The following TTC39C variants were observed in gnomAD, a reference collection of about 807,000 sequenced individuals.
TTC39C encodes tetratricopeptide repeat domain 39C, also known as tetratricopeptide repeat protein 39C.
A neutral mutation model predicts 76.3 loss-of-function variants in TTC39C; 33 were observed. The ratio of observed to expected loss-of-function variants is 0.43; its 90% CI spans 0.33 to 0.58. TTC39C has a LOEUF of 0.58. Ranked by LOEUF, TTC39C falls within the 20% of genes least tolerant of loss-of-function variation. TTC39C has a pLI of 0.04. For missense variants in TTC39C, 595 were observed against 701.4 expected, an observed-to-expected ratio of 0.85 and a Z score of 1.71; for synonymous variants, 254 against 260.6, an observed-to-expected ratio of 0.97 and a Z score of 0.24.
At chr18:24,044,052 TTG>T (rs56233680) in intron 1 of TTC39C, among the ~76,000 whole-genome samples, 7,125 of 147,860 alleles carry the variant, frequency 0.048, 415 homozygotes, top group African/African-American at 0.14. Context: ...TTGTGTATGT[TTG>T]TGTGTGTGTG....
Position 24,114,634 on chromosome 18 carries a change from T to C in TTC39C, c.1065T>C (p.Cys355=), listed in dbSNP as rs773002673. ...AVDQREIQHV[C]LYEIGWCSMI... is the part of the protein sequence containing the mutation. ...ACCAGAGAGAAATTCAACATGTCTG[T>C]CTGTATGAAATTGGTAAATATGAAA... Residue 355 remains cysteine, a synonymous_variant, in exon 7 of 14, where the codon TGT becomes TGC. Transcript: ENST00000317571. 1.9e-6 allele frequency: 3 copies of C among 1,612,944 alleles called. No individual in the cohort carries two copies. In the African/African-American group the frequency reaches 4.0e-5, roughly 22 times the overall value.
intron 1 of TTC39C, among the ~76,000 whole-genome samples, chr18:24,026,844 G>A (rs925206908): frequency 3.3e-5 from 5 of 152,120 alleles, no homozygotes; most frequent in East Asian, 1.9e-4. Flanking sequence ...CGTAAAATAA[G>A]CATCAAAGAT....
At chr18:24,090,051 A>G (rs1399392482) in intron 6 of TTC39C, among the ~76,000 whole-genome samples, 3 of 152,334 alleles carry the variant, frequency 2.0e-5, no homozygotes, top group Admixed American at 1.3e-4. Context: ...GATGTTTACA[A>G]GTATTAACAT....
intron 2 of TTC39C, 137 bp downstream of exon 2, chr18:24,064,325 T>A: frequency 1.1e-6 from 1 of 884,202 alleles, no homozygotes. Context: ...AGTTTTTGCC[T>A]ATTACCCAAT....
intron 6 of TTC39C, among the ~76,000 whole-genome samples, chr18:24,085,522 A>G (rs2084428436): frequency 6.6e-6 from 1 of 152,230 alleles, no homozygotes; most frequent in African/African-American, 2.4e-5. Context: ...GATTGAGTGA[A>G]TACTAAACAT....
chr18:24,023,275 A>G (rs1864285), intron 1 of TTC39C, among the ~76,000 whole-genome samples: 31,376 of 152,090 alleles, frequency 0.21, 3,996 homozygotes, highest in East Asian at 0.6. Flanking sequence ...TCTCATAAGC[A>G]GTTGCCAGAG....
At chr18:24,065,316 A>G (rs1023867734) in intron 2 of TTC39C, among the ~76,000 whole-genome samples, 2 of 152,330 alleles carry the variant, frequency 1.3e-5, no homozygotes, top group Non-Finnish European at 2.9e-5. Flanking sequence ...CCTTCCAAGA[A>G]CCAGGTATCC....
chr18:24,034,011 G>T (rs917511235), intron 1 of TTC39C, among the ~76,000 whole-genome samples: 1 of 152,256 alleles, frequency 6.6e-6, no homozygotes, highest in African/African-American at 2.4e-5. Context: ...AGCTGACCTG[G>T]AATGTTGACA....
At chr18:24,119,972 C>CCG (rs1555778041) in intron 8 of TTC39C, among the ~76,000 whole-genome samples, 2 of 150,986 alleles carry the variant, frequency 1.3e-5, no homozygotes, top group African/African-American at 4.9e-5. Context: ...TTCCCCCCCC[C>CCG]CAATATTTGG....
At chr18:24,010,707 C>T (rs761688748), upstream of TTC39C, among the ~76,000 whole-genome samples, 3 of 152,170 alleles carry the variant, frequency 2.0e-5, no homozygotes, top group South Asian at 4.1e-4. Context: ...CCAAAGTACA[C>T]ACAGTAAGGT....
chr18:24,111,713 AG>A (rs1210480305), intron 6 of TTC39C, among the ~76,000 whole-genome samples: 1 of 151,860 alleles, frequency 6.6e-6, no homozygotes, highest in African/African-American at 2.4e-5. Context: ...TGGGCAGTGT[AG>A]TGAGACCCCT....
chr18:24,064,113 G>T (rs1353487571), intron 1 of TTC39C, 27 bp from the exon 2 acceptor site: 33 of 1,349,674 alleles, frequency 2.4e-5, no homozygotes, highest in Non-Finnish European at 3.1e-5. Flanking sequence ...ATTGTATTTT[G>T]TGTGTGTGTG....
intron 6 of TTC39C, among the ~76,000 whole-genome samples, chr18:24,110,345 TCATTAAAGACA>T (rs1221875472): frequency 2.0e-5 from 3 of 152,264 alleles, no homozygotes; most frequent in African/African-American, 7.2e-5. Flanking sequence ...AATGGTGGCC[TCATTAAAGACA>T]GCAATGCAGT....
chr18:24,037,534 C>T (rs998246189), intron 1 of TTC39C, among the ~76,000 whole-genome samples: 3 of 152,298 alleles, frequency 2.0e-5, no homozygotes, highest in Admixed American at 6.5e-5. Flanking sequence ...GGACATTTGT[C>T]TGGCGTATTG....
At chr18:24,048,256 G>T (rs2083909186) in intron 1 of TTC39C, among the ~76,000 whole-genome samples, 1 of 152,202 alleles carries the variant, frequency 6.6e-6, no homozygotes, top group Non-Finnish European at 1.5e-5. Context: ...GCATACACGT[G>T]TGTGCCTTCC....
In TTC39C at chr18:23,993,097, ATGTTTTTATCATGTTGTCAT is replaced by A. The variant is rs545678404; in HGVS notation, c.-17+62_-17+81del. Reference sequence around the variant, plus strand: ...ACAAGAAGAATCATTGTATCATTTTATGTTTTTATCATGTTGTCATTGCACTGGCTAAGTTCATCTTTGAT... The same window carrying A: ...ACAAGAAGAATCATTGTATCATTTTATGCACTGGCTAAGTTCATCTTTGAT... On this transcript the variant is annotated intron_variant, in intron 1 of 13. Transcript: ENST00000304621. 2.8e-3 allele frequency: 424 copies of A among 152,338 alleles called. 2 individuals are homozygous for A. The highest frequency in any genetic ancestry group is 9.9e-3 in the African/African-American group (410 of 41,588). The allele number at this position is 152,338 out of a possible 1,614,324, so 9.4% of individuals were successfully genotyped here.
intron 1 of TTC39C, among the ~76,000 whole-genome samples, chr18:24,026,850 A>G (rs1177896450): frequency 6.6e-6 from 1 of 152,202 alleles, no homozygotes; most frequent in African/African-American, 2.4e-5. Context: ...ATAAGCATCA[A>G]AGATAAACAG....
At chr18:24,006,845 A>G (rs2083357191) in intron 1 of TTC39C, among the ~76,000 whole-genome samples, 1 of 152,212 alleles carries the variant, frequency 6.6e-6, no homozygotes, top group South Asian at 2.1e-4. Flanking sequence ...TGTGCTATGA[A>G]TGTGTATCTG....
intron 6 of TTC39C, among the ~76,000 whole-genome samples, chr18:24,108,686 A>G (rs2084775800): frequency 6.6e-6 from 1 of 152,228 alleles, no homozygotes; most frequent in African/African-American, 2.4e-5. Flanking sequence ...AATTGTGTGG[A>G]AAATGTCACC....
Sources: gnomAD v4.1 joint callset for allele counts (sites outside exome capture counted in the v4.1 genomes callset) on GRCh38, gnomAD v4.1.1 for gene constraint, MANE v1.5 for transcripts, NCBI Gene and HGNC (gene_info 2026-07-23, HGNC 2026-07-21) for gene names.